Variants in ANXA4 observed in about 807,000 individuals in gnomAD.
ANXA4 encodes annexin A4.
ANXA4 carries 39 observed loss-of-function variants against 49.8 expected under a neutral mutation model. That is an observed-to-expected ratio of 0.78 (90% confidence interval 0.61 to 1.02). ANXA4 has a LOEUF of 1.02. Among genes scored for constraint, ANXA4 ranks in the 50% least tolerant of loss-of-function variants. ANXA4 has a pLI of 0.00. For missense variants in ANXA4, 360 were observed against 410.1 expected (o/e 0.88, Z 1.05); for synonymous variants, 134 against 152.5 (o/e 0.88, Z 0.89).
intron 2 of ANXA4, among the ~76,000 whole-genome samples, chr2:69,656,364 T>G (rs1676481897): frequency 7.6e-6 from 1 of 132,094 alleles, no homozygotes; most frequent in Non-Finnish European, 1.5e-5. Flanking sequence ...TGTGTATATA[T>G]ATGTGTATAT....
At chr2:69,754,579 A>G (rs1670974354) in intron 1 of ANXA4, among the ~76,000 whole-genome samples, 1 of 152,084 alleles carries the variant, frequency 6.6e-6, no homozygotes, top group Non-Finnish European at 1.5e-5. Context: ...CTTAAAACCC[A>G]AACTGCTGGA....
At chr2:69,664,549 A>G (rs1033675964) in intron 2 of ANXA4, among the ~76,000 whole-genome samples, 5 of 152,226 alleles carry the variant, frequency 3.3e-5, no homozygotes, top group African/African-American at 7.2e-5. Flanking sequence ...CACAACAGCT[A>G]TATCAGTTAC....
At chr2:69,718,746 TACATGCATAC>T (rs1669723639) in intron 2 of ANXA4, among the ~76,000 whole-genome samples, 1 of 148,520 alleles carries the variant, frequency 6.7e-6, no homozygotes. Flanking sequence ...TGCACACACA[TACATGCATAC>T]ACACACATAC....
At chr2:69,671,976 T>G (rs558401407) in intron 2 of ANXA4, among the ~76,000 whole-genome samples, 1 of 152,330 alleles carries the variant, frequency 6.6e-6, no homozygotes, top group South Asian at 2.1e-4. Context: ...AAAAACCTTA[T>G]GACTCAGTGA....
intron 1 of ANXA4, among the ~76,000 whole-genome samples, chr2:69,752,387 G>A (rs1032158476): frequency 6.6e-6 from 1 of 152,192 alleles, no homozygotes; most frequent in African/African-American, 2.4e-5. Flanking sequence ...TGTAATAAAT[G>A]TTTTCAGATA....
intron 2 of ANXA4, among the ~76,000 whole-genome samples, chr2:69,718,980 CTT>C (rs796398605): frequency 8.3e-5 from 12 of 143,870 alleles, no homozygotes; most frequent in East Asian, 2.0e-4. Context: ...AGCTACCCTC[CTT>C]TTTTTTTTTT....
intron 3 of ANXA4, among the ~76,000 whole-genome samples, chr2:69,724,612 C>G (rs956407866): frequency 6.6e-6 from 1 of 152,078 alleles, no homozygotes; most frequent in Non-Finnish European, 1.5e-5. Context: ...TCCTTTCAAG[C>G]CCTTTGGTGA....
chr2:69,750,118 TA>T (rs946933376), intron 1 of ANXA4, among the ~76,000 whole-genome samples: 30 of 151,816 alleles, frequency 2.0e-4, no homozygotes, highest in African/African-American at 4.3e-4. Context: ...ACCAATTAAT[TA>T]AAAAAAAATA....
chr2:69,665,334 A>G (rs1350107249), intron 2 of ANXA4, among the ~76,000 whole-genome samples: 1 of 152,128 alleles, frequency 6.6e-6, no homozygotes, highest in Non-Finnish European at 1.5e-5. Flanking sequence ...TCCCAGTGCC[A>G]GACATGTGAA....
At chr2:69,714,309 G>C (rs1678796385) in intron 2 of ANXA4, among the ~76,000 whole-genome samples, 1 of 152,222 alleles carries the variant, frequency 6.6e-6, no homozygotes. Flanking sequence ...AAGGAGGGGA[G>C]CGTACAGTTT....
At chr2:69,658,704 C>CT (rs528441496) in intron 2 of ANXA4, among the ~76,000 whole-genome samples, 94 of 151,814 alleles carry the variant, frequency 6.2e-4, no homozygotes, top group Non-Finnish European at 1.1e-3. Context: ...CATTTGTTTA[C>CT]TTTTTTTTGA....
intron 2 of ANXA4, among the ~76,000 whole-genome samples, chr2:69,676,899 AC>A (rs1234153909): frequency 6.6e-6 from 1 of 152,104 alleles, no homozygotes; most frequent in Non-Finnish European, 1.5e-5. Flanking sequence ...AAACAAAAAA[AC>A]ACCCCTATTC....
chr2:69,771,040 G>T (rs1671691024), intron 1 of ANXA4, among the ~76,000 whole-genome samples: 1 of 142,188 alleles, frequency 7.0e-6, no homozygotes, highest in South Asian at 2.2e-4. Context: ...GCTGAAGTGA[G>T]CTATGACTGT....
intron 7 of ANXA4, 100 bp from the exon 8 acceptor site, chr2:69,812,553 G>C: frequency 1.1e-6 from 1 of 942,316 alleles, no homozygotes; most frequent in Non-Finnish European, 1.6e-6. Flanking sequence ...CAATTCTTGT[G>C]GTATTTTGTC....
intron 2 of ANXA4, among the ~76,000 whole-genome samples, chr2:69,696,080 T>C (rs1678149630): frequency 6.6e-6 from 1 of 152,176 alleles, no homozygotes; most frequent in Non-Finnish European, 1.5e-5. Flanking sequence ...GCCGCATTTA[T>C]TGACTCTTCC....
chr2:69,721,540 A>T (rs1172013688), intron 3 of ANXA4, among the ~76,000 whole-genome samples: 1 of 152,116 alleles, frequency 6.6e-6, no homozygotes, highest in Non-Finnish European at 1.5e-5. Context: ...CTCTACAAAA[A>T]AAATTGAAAA....
At chr2:69,681,366 A>ATTTTT in intron 2 of ANXA4, among the ~76,000 whole-genome samples, 1 of 139,246 alleles carries the variant, frequency 7.2e-6, no homozygotes, top group Middle Eastern at 3.6e-3. Context: ...TTCATTTCTG[A>ATTTTT]TTTTTTTTTT....
intron 2 of ANXA4, among the ~76,000 whole-genome samples, chr2:69,783,974 G>A (rs1333669668): frequency 1.3e-5 from 2 of 152,020 alleles, no homozygotes; most frequent in Non-Finnish European, 2.9e-5. Flanking sequence ...TTGTTCATTA[G>A]TATTCCATTG....
At chr2:69,647,096 G>A (rs1367763302) in intron 1 of ANXA4, among the ~76,000 whole-genome samples, 1 of 152,154 alleles carries the variant, frequency 6.6e-6, no homozygotes, top group East Asian at 1.9e-4. Context: ...CCCGCTTTGT[G>A]AATAATCAAA....
Sources: allele counts gnomAD v4.1 joint callset (sites outside exome capture counted in the v4.1 genomes callset), GRCh38; gene constraint gnomAD v4.1.1; transcripts MANE v1.5; gene names NCBI Gene and HGNC (gene_info 2026-07-23, HGNC 2026-07-21).